Variants in MYRF observed in about 807,000 individuals in gnomAD.
MYRF encodes the protein myelin gene regulatory factor.
MYRF carries 16 observed loss-of-function variants against 126.3 expected under a neutral mutation model. That is an observed-to-expected ratio of 0.13 (90% CI 0.09 to 0.19). The LOEUF (loss-of-function observed/expected upper bound fraction) is 0.19, where lower values mean the gene tolerates loss of function less well. MYRF is among the 10% of genes least tolerant of loss of function. The pLI is 1.00. For missense variants in MYRF, 1,104 were observed against 1,547.0 expected (o/e 0.71, Z 4.80); for synonymous variants, 608 against 635.3 (o/e 0.96, Z 0.65).
At chr11:61,784,056 GA>G in intron 24 of MYRF, 131 bp downstream of exon 24, 1 of 1,171,642 alleles carries the variant, frequency 8.5e-7, no homozygotes, top group Non-Finnish European at 1.2e-6. Context: ...GATAAGTGCT[GA>G]CTTCATTGCC....
At chr11:61,761,266 G>GA (rs1189669643) in intron 1 of MYRF, among the ~76,000 whole-genome samples, 4 of 151,414 alleles carry the variant, frequency 2.6e-5, no homozygotes, top group African/African-American at 9.7e-5. Flanking sequence ...TGGTGGGGGG[G>GA]GGGGCACATA....
chr11:61,783,345 G>A lies in MYRF; in HGVS notation c.3017-153G>A. On this transcript the variant is annotated intron_variant, in intron 22 of 26. Transcript: ENST00000278836. The surrounding 1 kb of genome is among the most constrained non-coding windows in gnomAD (Gnocchi z 4.6). ...GTCCTAGGGCTGCTGAGGAAAGGGT[G>A]TAGTGTGATGCTGGCCATTGTGGAG... The A allele has an allele frequency of 3.0e-6, 2 of 665,200 alleles. No homozygotes were observed. Among genetic ancestry groups the A allele is most frequent in the South Asian group, 1.6e-5 (1 of 60,914 alleles). The allele number at this position is 665,200 out of a possible 1,614,324, so 41.2% of individuals were successfully genotyped here.
chr11:61,778,136 C>T lies in MYRF; in HGVS notation c.1904-244C>T, dbSNP rs2066436718. ...AACCTGCCAGAATACTACCCACTTG[C>T]CCTGGGATCCTTACCCCCAGGAATC... On this transcript the variant is annotated intron_variant, in intron 13 of 26. Coordinates refer to ENST00000278836, the MANE Select transcript of MYRF (RefSeq NM_001127392.3). This position sits in a 1 kb window ranked among gnomAD's most constrained non-coding sequence, Gnocchi z 4.6. 6.6e-6 allele frequency among the ~76,000 whole-genome samples: 1 copy of T among 152,150 alleles called. No individual in the cohort carries two copies. The highest frequency in any genetic ancestry group is 2.4e-5 in the African/African-American group (1 of 41,438).
intron 4 of MYRF, among the ~76,000 whole-genome samples, chr11:61,769,702 C>T (rs927307851): frequency 6.6e-6 from 1 of 152,150 alleles, no homozygotes; most frequent in South Asian, 2.1e-4. Flanking sequence ...AGAGCAGAAC[C>T]ACCGCGGGAG....
intron 25 of MYRF, chr11:61,784,663 G>A (rs1247943624): frequency 2.6e-6 from 1 of 380,776 alleles, no homozygotes; most frequent in African/African-American, 2.1e-5. Flanking sequence ...GTGCAATGAT[G>A]GAAACAGGCA....
At chr11:61,768,072 T>G (rs2066113531) in intron 3 of MYRF, among the ~76,000 whole-genome samples, 1 of 149,118 alleles carries the variant, frequency 6.7e-6, no homozygotes. Flanking sequence ...GAGTGGTGAT[T>G]GTGCCACTGG....
chr11:61,777,567 G>A lies in MYRF; in HGVS notation c.1791+103G>A, dbSNP rs2066419979. 1.4e-6 allele frequency: 2 copies of A among 1,430,146 alleles called. No homozygotes were observed. Among genetic ancestry groups the A allele is most frequent in the Non-Finnish European group, 9.5e-7 (1 of 1,052,604 alleles). 88.6% of individuals were successfully genotyped at this position (1,430,146 alleles called of 1,614,324 possible). A position where few individuals can be genotyped will look rare whatever the true frequency, so the allele number is the denominator to read the frequency against. ...CGTGACTACGCGGAAAGGCGGAGCT[G>A]CGGGGGAAGGAAGGGAGGGAGGCTG... On this transcript the variant is annotated intron_variant, in intron 12 of 26. Transcript: ENST00000278836. The surrounding 1 kb of genome is among the most constrained non-coding windows in gnomAD (Gnocchi z 8.8).
intron 1 of MYRF, among the ~76,000 whole-genome samples, chr11:61,763,255 G>T (rs910191071): frequency 6.6e-6 from 1 of 152,158 alleles, no homozygotes; most frequent in African/African-American, 2.4e-5. Flanking sequence ...TGTTGCCTTG[G>T]GTAAGAGACT....
At position 61,771,926 on chromosome 11, in the gene MYRF, C is replaced by G. The variant is rs756499670; in HGVS notation, c.1089C>G (p.Thr363=). 10 of 1,613,992 alleles carry G rather than the reference C, an allele frequency of 6.2e-6. No homozygotes were observed. The East Asian group carries it at 2.2e-4, about 36-fold the overall frequency. Residue 363 remains threonine (T), a synonymous_variant, in exon 7 of 27, where the codon ACC becomes ACG. Coordinates refer to ENST00000278836, the MANE Select transcript of MYRF (RefSeq NM_001127392.3). ...WQPHQQNKWA[T]LYDANYKELP... is the part of the protein sequence containing the mutation. ...CTCATCAGCAGAACAAGTGGGCGAC[C>G]CTGTACGATGCTAACTACAAGGAGC...
intron 1 of MYRF, among the ~76,000 whole-genome samples, chr11:61,758,672 C>T (rs761664257): frequency 2.0e-5 from 3 of 152,162 alleles, no homozygotes; most frequent in Non-Finnish European, 2.9e-5. Flanking sequence ...CAGGCATGCT[C>T]GTACCTCAGG....
chr11:61,764,917 C>T (rs899955518), intron 1 of MYRF, among the ~76,000 whole-genome samples: 1 of 152,226 alleles, frequency 6.6e-6, no homozygotes, highest in African/African-American at 2.4e-5. Flanking sequence ...TAGGCTTCTG[C>T]CTCCTCTGGA....
At chr11:61,770,099 G>A (rs952514407) in intron 4 of MYRF, 147 bp from the exon 5 acceptor site, 197 of 743,896 alleles carry the variant, frequency 2.6e-4, no homozygotes, top group Middle Eastern at 1.6e-3. Flanking sequence ...GCTGACCAAC[G>A]GCCCTCCCAC....
intron 1 of MYRF, among the ~76,000 whole-genome samples, chr11:61,763,957 G>A (rs1328882507): frequency 6.6e-6 from 1 of 152,252 alleles, no homozygotes; most frequent in Non-Finnish European, 1.5e-5. Context: ...TCAGTAAATG[G>A]GACCCGTGGT....
intron 1 of MYRF, among the ~76,000 whole-genome samples, chr11:61,762,571 G>A (rs1225449956): frequency 1.3e-5 from 2 of 152,190 alleles, no homozygotes; most frequent in Non-Finnish European, 2.9e-5. Context: ...CCGAGAGTGT[G>A]CCCATGGGAC....
At chr11:61,780,655 T>G in intron 18 of MYRF, 57 bp from the exon 19 acceptor site, 14 of 1,484,502 alleles carry the variant, frequency 9.4e-6, no homozygotes, top group Non-Finnish European at 1.3e-5. Flanking sequence ...TCTGACTGTG[T>G]CTTCTCTTCT....
chr11:61,774,227 A>C, intron 8 of MYRF, 65 bp downstream of exon 8: 1 of 1,436,242 alleles, frequency 7.0e-7, no homozygotes, highest in Non-Finnish European at 9.3e-7. Flanking sequence ...GAAAGACCCC[A>C]GAAAAAGCAA....
rs747663138 is a variant in MYRF at position 61,777,371 on chromosome 11, G to A, written c.1698G>A (p.Arg566=). Residue 566 remains arginine, a synonymous_variant, in exon 12 of 27, where the codon CGG becomes CGA. Coordinates refer to ENST00000278836, the MANE Select transcript of MYRF (RefSeq NM_001127392.3). This position sits in a 1 kb window ranked among gnomAD's most constrained non-coding sequence, Gnocchi z 8.8. The stretch of plus-strand genomic sequence containing the variant: ...GCCGCGTGGGCATCAACACAGACCG[G>A]CCGGATGAGGCGCTGGTTGTGCACG... ...HHGRVGINTD[R]PDEALVVHGN... 3 of 1,613,922 alleles carry A rather than the reference G, an allele frequency of 1.9e-6. No homozygotes were observed. Among genetic ancestry groups the A allele is most frequent in the South Asian group, 1.1e-5 (1 of 91,080 alleles).
intron 22 of MYRF, 86 bp downstream of exon 22, chr11:61,781,910 C>A: frequency 7.0e-7 from 1 of 1,424,294 alleles, no homozygotes; most frequent in South Asian, 1.5e-5. Flanking sequence ...ATGTGACTGT[C>A]TGGGTTCAGA....
In MYRF at chr11:61,784,288, C is replaced by T. The variant is rs573885917; in HGVS notation, c.3203C>T (p.Ser1068Phe). The T allele has an allele frequency of 3.1e-6, 5 of 1,613,776 alleles. No individual in the cohort carries two copies. In the South Asian group the frequency reaches 4.4e-5, roughly 14 times the overall value. Residue 1068 changes from serine (S) to phenylalanine (F), a missense_variant, in exon 25 of 27, where the codon TCC (serine) becomes TTC (phenylalanine). Coordinates refer to ENST00000278836, the MANE Select transcript of MYRF (RefSeq NM_001127392.3). ...LSLTLQMNSS[S>F]PVSVVLCSLR... is the part of the protein sequence containing the mutation. ...ACTGGGCCTGTCTACAGCTCCTCCT[C>T]CCCCGTGTCTGTGGTGCTGTGCAGC...
Sources: gnomAD v4.1 joint callset for allele counts (sites outside exome capture counted in the v4.1 genomes callset) on GRCh38, gnomAD v4.1.1 for gene constraint, Gnocchi (gnomAD v3.1) non-coding constraint, MANE v1.5 for transcripts, NCBI Gene and HGNC (gene_info 2026-07-23, HGNC 2026-07-21) for gene names.